The following NTN1 variants were observed in gnomAD, a reference collection of about 807,000 sequenced individuals.
NTN1 encodes netrin 1.
In NTN1, 11 loss-of-function variants were observed where a neutral mutation model predicts 54.2. That is an observed-to-expected ratio of 0.20 (90% CI 0.13 to 0.34). NTN1 has a LOEUF of 0.34. Ranked by LOEUF, NTN1 falls within the 10% of genes least tolerant of loss-of-function variation. The pLI, the probability that NTN1 is intolerant of heterozygous loss-of-function variation, is 1.00. For missense variants in NTN1, 740 were observed against 893.1 expected (o/e 0.83, Z 2.18); for synonymous variants, 371 against 382.0 (o/e 0.97, Z 0.33).
chr17:9,093,102 A>G (rs560387152), intron 2 of NTN1, among the ~76,000 whole-genome samples: 56 of 152,176 alleles, frequency 3.7e-4, no homozygotes, highest in African/African-American at 1.3e-3. Flanking sequence ...CATGTTGGCC[A>G]GGCCGGTCTT....
intron 2 of NTN1, among the ~76,000 whole-genome samples, chr17:9,108,197 T>A (rs1234835624): frequency 1.3e-5 from 2 of 152,186 alleles, no homozygotes; most frequent in Admixed American, 6.6e-5. Context: ...GAAAAGACTC[T>A]GGGCTGAGCT....
intron 2 of NTN1, among the ~76,000 whole-genome samples, chr17:9,044,968 ACT>A (rs2091937014): frequency 6.6e-6 from 1 of 152,192 alleles, no homozygotes; most frequent in African/African-American, 2.4e-5. Flanking sequence ...AAAAAAATGC[ACT>A]GTCATTAACT....
chr17:9,133,057 C>T (rs1188702846), intron 2 of NTN1, among the ~76,000 whole-genome samples: 4 of 152,074 alleles, frequency 2.6e-5, no homozygotes, highest in African/African-American at 9.7e-5. Context: ...GGTCTCCTCC[C>T]CTCCACCTTA....
At chr17:9,064,530 C>T (rs536599504) in intron 2 of NTN1, among the ~76,000 whole-genome samples, 2 of 152,202 alleles carry the variant, frequency 1.3e-5, no homozygotes, top group Non-Finnish European at 2.9e-5. Context: ...TTCTTTCACT[C>T]CCCCATCCCC....
At chr17:9,238,239 C>A (rs920472643) in intron 6 of NTN1, among the ~76,000 whole-genome samples, 3 of 152,156 alleles carry the variant, frequency 2.0e-5, no homozygotes, top group African/African-American at 4.8e-5. Context: ...TGGACGTTCC[C>A]TGGGGAGGTG....
At chr17:9,222,243 C>T (rs1024839129) in intron 6 of NTN1, among the ~76,000 whole-genome samples, 1 of 152,236 alleles carries the variant, frequency 6.6e-6, no homozygotes, top group Admixed American at 6.5e-5. Flanking sequence ...CGTCCTCCTC[C>T]TCACTCCAGC....
At chr17:9,105,829 T>C (rs2092164396) in intron 2 of NTN1, among the ~76,000 whole-genome samples, 1 of 151,280 alleles carries the variant, frequency 6.6e-6, no homozygotes, top group Non-Finnish European at 1.5e-5. Context: ...GCTGGATAAG[T>C]AGGCAGCCTA....
At chr17:9,019,573 A>G (rs1025224693), upstream of NTN1, among the ~76,000 whole-genome samples, 29 of 152,358 alleles carry the variant, frequency 1.9e-4, no homozygotes, top group African/African-American at 7.0e-4. Flanking sequence ...ATATCCCATC[A>G]GCTATAATAT....
rs1906111798 is a variant in NTN1, at chr17:9,239,545, G to T, written c.1487-95G>T. 3.9e-6 allele frequency: 5 copies of T among 1,270,982 alleles called. No individual in the cohort carries two copies. The highest frequency in any genetic ancestry group is 1.5e-5 in the African/African-American group (1 of 68,352). 78.7% of individuals were successfully genotyped at this position (1,270,982 alleles called of 1,614,324 possible). On this transcript the variant is annotated intron_variant, in intron 6 of 6. Transcript: ENST00000173229. This position sits in a 1 kb window ranked among gnomAD's most constrained non-coding sequence, Gnocchi z 5.2. ...GGCCACTCTGTGCAGTCACTTCCTG[G>T]GGCTGGGTCTCCTTTCCCTTCTCCC...
At chr17:9,215,261 AC>A in intron 5 of NTN1, among the ~76,000 whole-genome samples, 2 of 136,414 alleles carry the variant, frequency 1.5e-5, no homozygotes, top group African/African-American at 5.6e-5. Context: ...ACACACACAC[AC>A]ACACACACAC....
At chr17:9,193,015 G>C (rs1037262728) in intron 5 of NTN1, among the ~76,000 whole-genome samples, 3 of 149,574 alleles carry the variant, frequency 2.0e-5, no homozygotes, top group Non-Finnish European at 2.9e-5. Context: ...TGGAGGCGGA[G>C]GTTGCAGTGA....
Position 9,022,364 on chromosome 17 carries a change from TG to T in NTN1, c.-8del. On this transcript the variant is annotated 5_prime_UTR_variant, in exon 2 of 7. Transcript: ENST00000173229. Reference sequence around the variant, plus strand: ...TCGGCGCGGCAGGGCCGGGGCAAGCTGGACGCAGCATGATGCGCGCAGTGTG... The same window carrying T: ...TCGGCGCGGCAGGGCCGGGGCAAGCTGACGCAGCATGATGCGCGCAGTGTG... 1 of 1,292,620 alleles carries T rather than the reference TG, an allele frequency of 7.7e-7. No individual in the cohort carries two copies. The allele number at this position is 1,292,620 out of a possible 1,614,324, so 80.1% of individuals were successfully genotyped here.
intron 2 of NTN1, among the ~76,000 whole-genome samples, chr17:9,034,577 C>T (rs2091897535): frequency 6.6e-6 from 1 of 151,882 alleles, no homozygotes; most frequent in South Asian, 2.1e-4. Flanking sequence ...CGTGCACCAC[C>T]AAGACCAGCT....
At chr17:9,201,714 C>T (rs1279572934) in intron 5 of NTN1, among the ~76,000 whole-genome samples, 2 of 152,142 alleles carry the variant, frequency 1.3e-5, no homozygotes, top group Admixed American at 1.3e-4. Flanking sequence ...GTGGGATCCA[C>T]AGCCATGCCT....
chr17:9,073,921 C>T (rs1246182510), intron 2 of NTN1, among the ~76,000 whole-genome samples: 1 of 152,194 alleles, frequency 6.6e-6, no homozygotes, highest in Non-Finnish European at 1.5e-5. Context: ...TGTTTCCTAC[C>T]GTTTTTCATT....
intron 2 of NTN1, among the ~76,000 whole-genome samples, chr17:9,136,802 G>A (rs1405276149): frequency 1.3e-5 from 2 of 152,134 alleles, no homozygotes; most frequent in Non-Finnish European, 2.9e-5. Context: ...CAGAGGTCAA[G>A]CCCTCACCTC....
At chr17:9,198,393 A>G (rs1473883333) in intron 5 of NTN1, among the ~76,000 whole-genome samples, 1 of 152,226 alleles carries the variant, frequency 6.6e-6, no homozygotes, top group Non-Finnish European at 1.5e-5. Flanking sequence ...AGCAGTGTCC[A>G]TCCGTCAAGG....
In NTN1 at chr17:9,155,243, C is replaced by A. The variant is rs567549887; in HGVS notation, c.1019-7570C>A. 8.5e-5 allele frequency among the ~76,000 whole-genome samples: 13 copies of A among 152,336 alleles called. 1 individual carries two copies. The South Asian group carries it at 2.5e-3, about 29-fold the overall frequency. ...CTGGGACAGGACTCCATCTTGCCTG[C>A]CGCTGTCACACCAGCACCTGGCCCT... On this transcript the variant is annotated intron_variant, in intron 2 of 6. Coordinates refer to ENST00000173229, the MANE Select transcript of NTN1 (RefSeq NM_004822.3).
intron 2 of NTN1, among the ~76,000 whole-genome samples, chr17:9,100,303 T>A (rs1228844829): frequency 6.6e-6 from 1 of 152,180 alleles, no homozygotes; most frequent in African/African-American, 2.4e-5. Context: ...TATCTTTATT[T>A]ATTTATTTTT....
Sources: allele counts gnomAD v4.1 joint callset (sites outside exome capture counted in the v4.1 genomes callset), GRCh38; gene constraint gnomAD v4.1.1; non-coding constraint Gnocchi (gnomAD v3.1); transcripts MANE v1.5; gene names NCBI Gene and HGNC (gene_info 2026-07-23, HGNC 2026-07-21).